DAB1: variants seen among roughly 807,000 people sequenced by gnomAD.
DAB1 encodes the protein disabled homolog 1.
A neutral mutation model predicts 64.6 loss-of-function variants in DAB1; 15 were observed. The ratio of observed to expected loss-of-function variants is 0.23; its 90% confidence interval spans 0.16 to 0.36. DAB1 has a LOEUF of 0.36. Ranked by LOEUF, DAB1 falls within the 10% of genes least tolerant of loss-of-function variation. DAB1 has a pLI of 1.00. For missense variants in DAB1, 596 were observed against 706.7 expected, an observed-to-expected ratio of 0.84 and a Z score of 1.78; for synonymous variants, 235 against 251.9, an observed-to-expected ratio of 0.93 and a Z score of 0.64.
chr1:57,263,922 C>G (rs960700983), intron 2 of DAB1, among the ~76,000 whole-genome samples: 8 of 152,092 alleles, frequency 5.3e-5, no homozygotes, highest in African/African-American at 1.7e-4. Context: ...ATTCCAAACC[C>G]ACATTCTACC....
At chr1:57,267,001 C>T (rs950298869) in intron 2 of DAB1, among the ~76,000 whole-genome samples, 3 of 152,108 alleles carry the variant, frequency 2.0e-5, no homozygotes, top group Non-Finnish European at 4.4e-5. Context: ...CAAAAAGGTA[C>T]TGTCATGTCC....
At chr1:58,206,929 T>C (rs928297172) in intron 4 of DAB1, among the ~76,000 whole-genome samples, 1 of 152,210 alleles carries the variant, frequency 6.6e-6, no homozygotes, top group Admixed American at 6.5e-5. Flanking sequence ...ACAGAAGTGA[T>C]GATGAGGCTG....
At chr1:57,233,245 T>G (rs1259624144) in intron 2 of DAB1, among the ~76,000 whole-genome samples, 1 of 140,726 alleles carries the variant, frequency 7.1e-6, no homozygotes, top group African/African-American at 2.6e-5. Flanking sequence ...CTTCAAGCTT[T>G]GCTCCGATTC....
rs201111039 is a variant in DAB1 at position 57,206,968 on chromosome 1, C to CTTTTTTTTTT, written c.68-61549_68-61540dup. ...CTCTTTCTCTTTCTTTCCTTCCTTC[C>CTTTTTTTTTT]TTTTTTTTTTTTTTTTTTTTTTGGA... On this transcript the variant is annotated intron_variant, in intron 2 of 14. Coordinates refer to ENST00000371236, the MANE Select transcript of DAB1 (RefSeq NM_001365792.1). Among the ~76,000 whole-genome samples the CTTTTTTTTTT allele has an allele frequency of 8.3e-4, 70 of 84,484 alleles. 2 individuals are homozygous for CTTTTTTTTTT. Among genetic ancestry groups the CTTTTTTTTTT allele is most frequent in the African/African-American group, 2.4e-3 (48 of 20,338 alleles). The allele number at this position is 84,484 out of a possible 152,430, so 55.4% of individuals were successfully genotyped here.
At chr1:57,221,747 G>A (rs1251186657) in intron 2 of DAB1, among the ~76,000 whole-genome samples, 1 of 152,138 alleles carries the variant, frequency 6.6e-6, no homozygotes, top group Non-Finnish European at 1.5e-5. Context: ...CATTTTCTCA[G>A]AGAAGGGTAA....
At chr1:57,963,515 A>G (rs1048658932) in intron 5 of DAB1, among the ~76,000 whole-genome samples, 39 of 152,290 alleles carry the variant, frequency 2.6e-4, no homozygotes, top group African/African-American at 9.4e-4. Flanking sequence ...GAAGAATCTT[A>G]TTCCCAGAAC....
At chr1:58,527,347 T>G (rs770079506) in intron 1 of DAB1, 1 of 870,668 alleles carries the variant, frequency 1.1e-6, no homozygotes, top group South Asian at 1.3e-5. Context: ...TAAGAAGAAA[T>G]GACAGAAAAG....
intron 5 of DAB1, among the ~76,000 whole-genome samples, chr1:57,912,310 A>G (rs1035890137): frequency 6.6e-6 from 1 of 152,080 alleles, no homozygotes; most frequent in Non-Finnish European, 1.5e-5. Flanking sequence ...AAAAGCAGGA[A>G]CTGGGTCTGT....
intron 11 of DAB1, among the ~76,000 whole-genome samples, chr1:57,017,002 C>T (rs181392262): frequency 2.0e-5 from 3 of 152,122 alleles, no homozygotes; most frequent in Non-Finnish European, 4.4e-5. Context: ...GTCTGTCCCC[C>T]CAAAGCCAGG....
intron 1 of DAB1, among the ~76,000 whole-genome samples, chr1:57,869,353 A>C (rs1654437340): frequency 6.6e-6 from 1 of 152,126 alleles, no homozygotes; most frequent in South Asian, 2.1e-4. Context: ...AACCAAGTTA[A>C]TGTTCATCCT....
intron 4 of DAB1, among the ~76,000 whole-genome samples, chr1:58,296,871 C>T (rs1457114939): frequency 6.6e-6 from 1 of 152,162 alleles, no homozygotes; most frequent in African/African-American, 2.4e-5. Flanking sequence ...ATCTTTCAAA[C>T]AGAAATTTCA....
intron 6 of DAB1, among the ~76,000 whole-genome samples, chr1:57,670,724 C>T (rs982589478): frequency 1.3e-5 from 2 of 152,090 alleles, no homozygotes; most frequent in Admixed American, 6.6e-5. Flanking sequence ...AAGAATGGTG[C>T]TAGCCATTGA....
chr1:58,258,583 C>T (rs1242246188), intron 4 of DAB1, among the ~76,000 whole-genome samples: 1 of 152,136 alleles, frequency 6.6e-6, no homozygotes, highest in Non-Finnish European at 1.5e-5. Flanking sequence ...ATTCTGTGGG[C>T]TATGGCTTGA....
intron 3 of DAB1, among the ~76,000 whole-genome samples, chr1:58,402,473 A>C (rs1383552143): frequency 6.6e-6 from 1 of 152,246 alleles, no homozygotes; most frequent in Non-Finnish European, 1.5e-5. Flanking sequence ...ATGGAAGAGA[A>C]AGACAGAAAC....
intron 3 of DAB1, among the ~76,000 whole-genome samples, chr1:58,365,250 T>A (rs758334856): frequency 1.3e-5 from 2 of 152,124 alleles, no homozygotes; most frequent in African/African-American, 2.4e-5. Flanking sequence ...GACATCCAAG[T>A]CAACAGAACA....
chr1:57,768,912 T>C (rs1199498824), intron 6 of DAB1, among the ~76,000 whole-genome samples: 2 of 152,116 alleles, frequency 1.3e-5, no homozygotes, highest in Admixed American at 1.3e-4. Context: ...CATTAGATAT[T>C]TCTCTTTTCC....
chr1:58,502,382 A>C (rs1645920749), intron 3 of DAB1, among the ~76,000 whole-genome samples: 1 of 152,078 alleles, frequency 6.6e-6, no homozygotes, highest in African/African-American at 2.4e-5. Flanking sequence ...TTCTCTAATC[A>C]CTTCCTACGT....
intron 7 of DAB1, among the ~76,000 whole-genome samples, chr1:57,524,364 A>G (rs1644566025): frequency 6.6e-6 from 1 of 152,228 alleles, no homozygotes. Flanking sequence ...GAGAAGTTGA[A>G]CATAAAAACT....
At chr1:58,200,753 T>C (rs1282901220) in intron 4 of DAB1, among the ~76,000 whole-genome samples, 8 of 152,190 alleles carry the variant, frequency 5.3e-5, no homozygotes, top group African/African-American at 1.7e-4. Flanking sequence ...TGAAATGTGT[T>C]GTCAGTCAGC....
Sources: gnomAD v4.1 joint callset for allele counts (sites outside exome capture counted in the v4.1 genomes callset) on GRCh38, gnomAD v4.1.1 for gene constraint, MANE v1.5 for transcripts, NCBI Gene and HGNC (gene_info 2026-07-23, HGNC 2026-07-21) for gene names.